Variants in PGR observed in about 807,000 individuals in gnomAD.
The protein encoded by PGR is progesterone receptor.
PGR carries 25 observed loss-of-function variants against 76.1 expected under a neutral mutation model. The observed-to-expected ratio is 0.33, with a 90% CI of 0.24 to 0.46. PGR has a LOEUF of 0.46. Ranked by LOEUF, PGR falls within the 20% of genes least tolerant of loss-of-function variation. The pLI, the probability that PGR is intolerant of heterozygous loss-of-function variation, is 1.00. For missense variants in PGR, 1,172 were observed against 1,225.3 expected (o/e 0.96, Z 0.65); for synonymous variants, 579 against 535.0 (o/e 1.08, Z -1.14).
At chr11:101,068,459 T>A (rs757719745) in intron 3 of PGR, among the ~76,000 whole-genome samples, 2 of 152,026 alleles carry the variant, frequency 1.3e-5, no homozygotes, top group Admixed American at 6.5e-5. Context: ...AATTTATAGA[T>A]CCAATAATAG....
intron 4 of PGR, among the ~76,000 whole-genome samples, chr11:101,059,465 C>T (rs1039191175): frequency 1.3e-5 from 2 of 152,056 alleles, no homozygotes; most frequent in African/African-American, 4.8e-5. Context: ...TGCAAAATCA[C>T]TCATTTGCAA....
intron 2 of PGR, among the ~76,000 whole-genome samples, chr11:101,097,171 T>A (rs1861859601): frequency 6.6e-6 from 1 of 152,174 alleles, no homozygotes; most frequent in South Asian, 2.1e-4. Context: ...GAGTTCAAAC[T>A]GTTATGTCTT....
At chr11:101,091,473 CAT>C (rs779406187) in intron 3 of PGR, among the ~76,000 whole-genome samples, 1 of 152,208 alleles carries the variant, frequency 6.6e-6, no homozygotes, top group Non-Finnish European at 1.5e-5. Flanking sequence ...GACTCCCACA[CAT>C]GTTACTTAAT....
intron 3 of PGR, among the ~76,000 whole-genome samples, chr11:101,072,576 G>A (rs1261812856): frequency 6.6e-6 from 1 of 152,172 alleles, no homozygotes; most frequent in Non-Finnish European, 1.5e-5. Context: ...CTATATTCAG[G>A]AGACCCATCT....
chr11:101,091,394 G>C (rs1423848861), intron 3 of PGR, among the ~76,000 whole-genome samples: 1 of 152,132 alleles, frequency 6.6e-6, no homozygotes, highest in African/African-American at 2.4e-5. Flanking sequence ...TAATGCTCTC[G>C]TTTTACAGAT....
At chr11:101,120,381 T>C (rs1434320831) in intron 2 of PGR, among the ~76,000 whole-genome samples, 1 of 152,216 alleles carries the variant, frequency 6.6e-6, no homozygotes, top group Non-Finnish European at 1.5e-5. Flanking sequence ...AATCATCTAG[T>C]TCATTTAGAA....
chr11:101,044,042 C>T (rs1859781447), intron 6 of PGR, among the ~76,000 whole-genome samples: 1 of 152,174 alleles, frequency 6.6e-6, no homozygotes, highest in Non-Finnish European at 1.5e-5. Context: ...AGAGAGTCAA[C>T]CTGTCATTTG....
At chr11:101,094,287 ATTC>A (rs1861767785) in intron 2 of PGR, among the ~76,000 whole-genome samples, 1 of 152,196 alleles carries the variant, frequency 6.6e-6, no homozygotes, top group South Asian at 2.1e-4. Context: ...TATATTCACT[ATTC>A]TTATAAAATG....
In PGR at chr11:101,039,011, G is replaced by T; in HGVS notation, c.*105C>A. The T allele has an allele frequency of 1.3e-6, 1 of 794,636 alleles. No homozygotes were observed. The allele number at this position is 794,636 out of a possible 1,614,324, so 49.2% of individuals were successfully genotyped here. Reference sequence around the variant, plus strand: ...ATTTACACACTATGATGTTATAAATGTAAGGCTTTCAGAAGAACATTATAA... The same window carrying T: ...ATTTACACACTATGATGTTATAAATTTAAGGCTTTCAGAAGAACATTATAA... On this transcript the variant is annotated 3_prime_UTR_variant, in exon 8 of 8. Coordinates refer to ENST00000325455, the MANE Select transcript of PGR (RefSeq NM_000926.4).
Position 101,128,393 on chromosome 11 carries a change from G to A in PGR, c.678C>T (p.Gly226=). ...GACCCGCAGACTCCTCGGACTCAGA[G>A]CCATCCTCCTCCTCAACCTCCACCG... ...AAAVEVEEED[G]SESEESAGPL... is the part of the protein sequence containing the mutation. Residue 226 remains glycine (G), a synonymous_variant, in exon 1 of 8, where the codon GGC becomes GGT. Transcript: ENST00000325455. 1 of 1,609,948 alleles carries A rather than the reference G, an allele frequency of 6.2e-7. No homozygotes were observed. Among genetic ancestry groups the A allele is most frequent in the South Asian group, 1.1e-5 (1 of 91,056 alleles).
chr11:101,105,384 G>C (rs533086451), intron 2 of PGR, among the ~76,000 whole-genome samples: 3 of 152,170 alleles, frequency 2.0e-5, no homozygotes, highest in African/African-American at 4.8e-5. Flanking sequence ...AGGGGAATAA[G>C]AGTGGCTTAA....
intron 2 of PGR, among the ~76,000 whole-genome samples, chr11:101,103,461 G>T (rs993354602): frequency 1.3e-5 from 2 of 152,010 alleles, no homozygotes; most frequent in Admixed American, 6.6e-5. Context: ...TCTTACCCCC[G>T]CATGTTACTA....
At chr11:101,059,793 A>C (rs1413123838) in intron 4 of PGR, among the ~76,000 whole-genome samples, 2 of 150,496 alleles carry the variant, frequency 1.3e-5, no homozygotes, top group African/African-American at 4.9e-5. Context: ...CAATGAGCCA[A>C]GATCATGCCA....
intron 3 of PGR, among the ~76,000 whole-genome samples, chr11:101,086,619 C>T (rs1291846079): frequency 1.3e-5 from 2 of 151,948 alleles, no homozygotes; most frequent in Non-Finnish European, 2.9e-5. Context: ...AAAAGGCATT[C>T]AAACATGAAA....
chr11:101,117,785 C>A (rs1416719752), intron 2 of PGR, among the ~76,000 whole-genome samples: 2 of 152,002 alleles, frequency 1.3e-5, no homozygotes, highest in Non-Finnish European at 2.9e-5. Context: ...ACTACCTTTT[C>A]TAACTACTGC....
intron 3 of PGR, chr11:101,063,975 T>C (rs1432714747): frequency 6.6e-6 from 1 of 152,142 alleles, no homozygotes; most frequent in Non-Finnish European, 1.5e-5. Flanking sequence ...AACATTTGTC[T>C]CTGAGATTTC....
intron 4 of PGR, among the ~76,000 whole-genome samples, chr11:101,061,952 A>G (rs1565338586): frequency 6.6e-6 from 1 of 152,152 alleles, no homozygotes; most frequent in Non-Finnish European, 1.5e-5. Context: ...TCTGTGTGCT[A>G]TTATTTTTTA....
rs1309001468 is a variant in PGR, at chr11:101,129,725, A to G, written c.-655T>C. Reference sequence around the variant, plus strand: ...CGCCTCGGGTTGTAGATTTCACTCAAATGACAAGTGAAGCTAGTTCTCATT... The same window carrying G: ...CGCCTCGGGTTGTAGATTTCACTCAGATGACAAGTGAAGCTAGTTCTCATT... On this transcript the variant is annotated 5_prime_UTR_variant, in exon 1 of 8. Transcript: ENST00000325455. The G allele has an allele frequency of 5.5e-6, 1 of 180,456 alleles. No individual in the cohort carries two copies. Among genetic ancestry groups the G allele is most frequent in the Non-Finnish European group, 1.2e-5 (1 of 84,492 alleles). The allele number at this position is 180,456 out of a possible 1,614,324, so 11.2% of individuals were successfully genotyped here.
intron 2 of PGR, among the ~76,000 whole-genome samples, chr11:101,101,049 C>T (rs1861982136): frequency 6.6e-6 from 1 of 152,110 alleles, no homozygotes; most frequent in Non-Finnish European, 1.5e-5. Flanking sequence ...AACCAGAGCT[C>T]CTTGGGGAAA....
Sources: gnomAD v4.1 joint callset for allele counts (sites outside exome capture counted in the v4.1 genomes callset) on GRCh38, gnomAD v4.1.1 for gene constraint, MANE v1.5 for transcripts, NCBI Gene and HGNC (gene_info 2026-07-23, HGNC 2026-07-21) for gene names.